Variants in SLC24A3 observed in about 807,000 individuals in gnomAD.
SLC24A3 encodes solute carrier family 24 member 3, also known as sodium/potassium/calcium exchanger 3.
A neutral mutation model predicts 75.8 loss-of-function variants in SLC24A3; 28 were observed. That is an observed-to-expected ratio of 0.37 (90% CI 0.27 to 0.51). The LOEUF (loss-of-function observed/expected upper bound fraction) is 0.51, where lower values mean the gene tolerates loss of function less well. SLC24A3 is among the 20% of genes least tolerant of loss of function. The probability of loss-of-function intolerance (pLI) is 0.94; values close to 1 mark genes in which losing one functional copy is unlikely to be tolerated. For synonymous variants in SLC24A3, 372 were observed against 334.1 expected, an observed-to-expected ratio of 1.11 and a Z score of -1.24; for missense variants, 663 against 847.8, an observed-to-expected ratio of 0.78 and a Z score of 2.71.
At chr20:19,322,362 CTT>C (rs1984729857) in intron 2 of SLC24A3, among the ~76,000 whole-genome samples, 1 of 39,886 alleles carries the variant, frequency 2.5e-5, no homozygotes, top group African/African-American at 3.5e-4. Flanking sequence ...TCCTTCCTTC[CTT>C]CCCTTCCTTC....
intron 2 of SLC24A3, among the ~76,000 whole-genome samples, chr20:19,484,466 A>G (rs149532518): frequency 5.6e-4 from 86 of 152,330 alleles, no homozygotes; most frequent in African/African-American, 2.0e-3. Context: ...TGGATTAAGG[A>G]TGCTCAACTT....
intron 1 of SLC24A3, among the ~76,000 whole-genome samples, chr20:19,223,663 G>A (rs1981791179): frequency 6.6e-6 from 1 of 152,188 alleles, no homozygotes; most frequent in African/African-American, 2.4e-5. Flanking sequence ...AAGGTTATGA[G>A]AATGTGGTCG....
intron 4 of SLC24A3, 25 bp from the exon 5 acceptor site, chr20:19,584,946 G>A: frequency 1.2e-6 from 2 of 1,603,262 alleles, no homozygotes; most frequent in Non-Finnish European, 8.5e-7. Flanking sequence ...CAACTCACCT[G>A]TGCTTTGTCT....
At chr20:19,338,501 C>T (rs1003051318) in intron 2 of SLC24A3, among the ~76,000 whole-genome samples, 2 of 152,196 alleles carry the variant, frequency 1.3e-5, no homozygotes, top group African/African-American at 4.8e-5. Flanking sequence ...AAGTGAGAAT[C>T]GTGTCTGCTC....
chr20:19,591,374 A>G (rs1220649522), intron 6 of SLC24A3, among the ~76,000 whole-genome samples: 3 of 152,222 alleles, frequency 2.0e-5, no homozygotes, highest in African/African-American at 4.8e-5. Context: ...AAGGAAATTT[A>G]TAGATGTCTC....
At chr20:19,486,326 G>C (rs1319505233) in intron 2 of SLC24A3, among the ~76,000 whole-genome samples, 1 of 152,188 alleles carries the variant, frequency 6.6e-6, no homozygotes, top group Non-Finnish European at 1.5e-5. Flanking sequence ...GAGAATTAGG[G>C]GGTGATGGAA....
intron 1 of SLC24A3, among the ~76,000 whole-genome samples, chr20:19,251,671 C>A (rs926128078): frequency 1.3e-5 from 2 of 152,176 alleles, no homozygotes; most frequent in African/African-American, 4.8e-5. Context: ...TAATTCAGTC[C>A]TCTGCAGGTT....
At chr20:19,509,790 TG>T (rs1212499443) in intron 2 of SLC24A3, among the ~76,000 whole-genome samples, 2 of 152,178 alleles carry the variant, frequency 1.3e-5, no homozygotes, top group African/African-American at 4.8e-5. Flanking sequence ...CCAGAGGCAA[TG>T]GGAAGGAGGA....
chr20:19,571,720 C>A (rs780457544), intron 3 of SLC24A3, among the ~76,000 whole-genome samples: 5 of 152,184 alleles, frequency 3.3e-5, no homozygotes, highest in African/African-American at 4.8e-5. Context: ...TGAGCCCCTG[C>A]AAGAAAACTA....
intron 2 of SLC24A3, among the ~76,000 whole-genome samples, chr20:19,414,859 C>T (rs1161072377): frequency 6.6e-6 from 1 of 152,158 alleles, no homozygotes; most frequent in East Asian, 1.9e-4. Context: ...TCACGTTTCC[C>T]TTTCTGCCTT....
chr20:19,671,548 A>T (rs1433079916), intron 8 of SLC24A3, among the ~76,000 whole-genome samples: 1 of 152,198 alleles, frequency 6.6e-6, no homozygotes, highest in Non-Finnish European at 1.5e-5. Flanking sequence ...GAGTGAGGAA[A>T]AGGGAGTGCT....
chr20:19,324,677 C>G (rs1257885718), intron 2 of SLC24A3, among the ~76,000 whole-genome samples: 1 of 152,170 alleles, frequency 6.6e-6, no homozygotes, highest in African/African-American at 2.4e-5. Context: ...ATGACGTTTC[C>G]TTAGGCTATG....
chr20:19,503,805 G>A (rs996076363), intron 2 of SLC24A3, among the ~76,000 whole-genome samples: 1 of 152,146 alleles, frequency 6.6e-6, no homozygotes, highest in African/African-American at 2.4e-5. Flanking sequence ...AAAGATTAAA[G>A]ACGTCTCAAT....
intron 3 of SLC24A3, among the ~76,000 whole-genome samples, chr20:19,520,606 G>A (rs620701): frequency 0.11 from 17,069 of 152,178 alleles, 1,128 homozygotes; most frequent in East Asian, 0.31. Context: ...CCGTCAAGCC[G>A]GGGCTCCCTA....
intron 1 of SLC24A3, among the ~76,000 whole-genome samples, chr20:19,259,689 C>G (rs1216436471): frequency 6.6e-6 from 1 of 152,198 alleles, no homozygotes; most frequent in Non-Finnish European, 1.5e-5. Flanking sequence ...TAATGTACCA[C>G]TGAGATATTG....
At chr20:19,279,439 C>G (rs1983591824) in intron 1 of SLC24A3, among the ~76,000 whole-genome samples, 1 of 152,240 alleles carries the variant, frequency 6.6e-6, no homozygotes, top group African/African-American at 2.4e-5. Flanking sequence ...CAGGCCCCAC[C>G]TGTCATGTTT....
At chr20:19,408,596 G>A (rs1986693135) in intron 2 of SLC24A3, among the ~76,000 whole-genome samples, 1 of 151,954 alleles carries the variant, frequency 6.6e-6, no homozygotes. Context: ...CACCATGTTG[G>A]CCAAGCTGGT....
chr20:19,212,912 C>T lies in SLC24A3; in HGVS notation c.70C>T (p.Leu24=), dbSNP rs775993836. Residue 24 remains leucine (L), a synonymous_variant, in exon 1 of 17, where the codon CTG becomes TTG. Transcript: ENST00000328041. ...RRRRRRRDLL[L]SQLCFLASVA... ...CCGCCGCCGCCGGAGGGACCTTCTG[C>T]TGAGCCAGCTCTGCTTCCTGGCCTC... is the stretch of plus-strand genomic sequence containing the variant. 4 of 1,348,960 alleles carry T rather than the reference C, an allele frequency of 3.0e-6. No individual in the cohort carries two copies. The highest frequency in any genetic ancestry group is 4.2e-5 in the South Asian group (2 of 48,006). The allele number at this position is 1,348,960 out of a possible 1,614,324, so 83.6% of individuals were successfully genotyped here. A position where few individuals can be genotyped will look rare whatever the true frequency, so the allele number is the denominator to read the frequency against.
intron 2 of SLC24A3, among the ~76,000 whole-genome samples, chr20:19,444,048 T>C (rs1183958035): frequency 1.3e-5 from 2 of 152,220 alleles, no homozygotes; most frequent in Non-Finnish European, 1.5e-5. Context: ...CATAAATTAG[T>C]GTTAGATTTT....
Sources: gnomAD v4.1 joint callset for allele counts (sites outside exome capture counted in the v4.1 genomes callset) on GRCh38, gnomAD v4.1.1 for gene constraint, MANE v1.5 for transcripts, NCBI Gene and HGNC (gene_info 2026-07-23, HGNC 2026-07-21) for gene names.